COL27A1: variants seen among roughly 807,000 people sequenced by gnomAD.
COL27A1 encodes the protein collagen type XXVII alpha 1 chain, also known as collagen alpha-1(XXVII) chain.
A neutral mutation model predicts 251.3 loss-of-function variants in COL27A1; 106 were observed. The observed-to-expected ratio is 0.42, with a 90% CI of 0.36 to 0.50. The LOEUF (loss-of-function observed/expected upper bound fraction) is 0.50. Among genes scored for constraint, COL27A1 ranks in the 20% least tolerant of loss-of-function variants. COL27A1 has a pLI of 0.00. For synonymous variants in COL27A1, 1,000 were observed against 986.3 expected, an observed-to-expected ratio of 1.01 and a Z score of -0.26; for missense variants, 2,325 against 2,522.8, an observed-to-expected ratio of 0.92 and a Z score of 1.68.
At chr9:114,265,155 TGGGGGTG>T in intron 31 of COL27A1, 45 bp downstream of exon 31, 16 of 537,290 alleles carry the variant, frequency 3.0e-5, no homozygotes, top group Non-Finnish European at 5.3e-5. Flanking sequence ...GGGCTTTTGA[TGGGGGTG>T]GGGGGCGGGT....
intron 58 of COL27A1, chr9:114,307,413 AATGGAT>A (rs1212949462): frequency 4.9e-5 from 22 of 452,012 alleles, no homozygotes; most frequent in Non-Finnish European, 7.6e-5. Context: ...TTCTCTGTAA[AATGGAT>A]ACATCCCAGT....
chr9:114,158,511 T>G (rs767455843), intron 1 of COL27A1, among the ~76,000 whole-genome samples: 2 of 152,214 alleles, frequency 1.3e-5, no homozygotes, highest in African/African-American at 2.4e-5. Context: ...GGCTCCCGTT[T>G]CGGCTGCCTC....
chr9:114,206,122 C>G (rs541480544), intron 9 of COL27A1, 130 bp from the exon 10 acceptor site: 1 of 901,830 alleles, frequency 1.1e-6, no homozygotes, highest in Non-Finnish European at 1.8e-6. Context: ...GGCCAAAGAT[C>G]GCTGATCTAA....
chr9:114,159,903 T>G (rs1848374167), intron 1 of COL27A1, among the ~76,000 whole-genome samples: 1 of 152,202 alleles, frequency 6.6e-6, no homozygotes, highest in South Asian at 2.1e-4. Flanking sequence ...GCCATTTGCT[T>G]CAAGTAAGCA....
At chr9:114,224,003 G>A (rs569742366) in intron 14 of COL27A1, among the ~76,000 whole-genome samples, 1 of 152,314 alleles carries the variant, frequency 6.6e-6, no homozygotes, top group South Asian at 2.1e-4. Context: ...AACTTGGTGG[G>A]AGAGAGTGCT....
intron 12 of COL27A1, among the ~76,000 whole-genome samples, chr9:114,217,138 C>G (rs1830764386): frequency 6.6e-6 from 1 of 152,208 alleles, no homozygotes. Context: ...ATTGTTTCAT[C>G]CCACCATCAT....
chr9:114,245,933 A>G, intron 24 of COL27A1, 23 bp downstream of exon 24: 1 of 1,609,224 alleles, frequency 6.2e-7, no homozygotes, highest in African/African-American at 1.3e-5. Flanking sequence ...CGGTCTCTGA[A>G]TGAGTGGCTC....
Position 114,168,886 on chromosome 9 carries a change from C to G in COL27A1, c.1331C>G (p.Pro444Arg), listed in dbSNP as rs765484972. ...CCACCGCCCAGCACCCGGCCCCTACCTCCTACCACCAGCTCCTCTAAAAAA... is the reference window on the plus strand; with the variant it reads ...CCACCGCCCAGCACCCGGCCCCTACGTCCTACCACCAGCTCCTCTAAAAAA... ...RPPPPSTRPL[P>R]PTTSSSKKPI... Residue 444 changes from proline to arginine, a missense_variant, in exon 3 of 61, where the codon CCT (proline) becomes CGT (arginine). By Grantham distance (103) the Pro-to-Arg change is moderately radical (BLOSUM62 -2). Coordinates refer to ENST00000356083, the MANE Select transcript of COL27A1 (RefSeq NM_032888.4). The G allele has an allele frequency of 6.2e-7, 1 of 1,614,068 alleles. No homozygotes were observed. The highest frequency in any genetic ancestry group is 1.1e-5 in the South Asian group (1 of 91,074).
chr9:114,260,760 TCAGA>T (rs1834261182), intron 28 of COL27A1, among the ~76,000 whole-genome samples: 1 of 151,928 alleles, frequency 6.6e-6, no homozygotes, highest in African/African-American at 2.4e-5. Flanking sequence ...GACTCTGGGG[TCAGA>T]TGGGCCTACG....
chr9:114,302,134 C>G (rs1006766543), intron 56 of COL27A1, 26 bp downstream of exon 56: 29 of 1,602,036 alleles, frequency 1.8e-5, no homozygotes, highest in African/African-American at 9.4e-5. Flanking sequence ...TCTCTTTTGC[C>G]TACTTGGGGT....
intron 7 of COL27A1, among the ~76,000 whole-genome samples, chr9:114,203,825 G>A (rs191825149): frequency 2.4e-4 from 36 of 152,232 alleles, no homozygotes; most frequent in African/African-American, 6.0e-4. Flanking sequence ...GATTTCCAGC[G>A]TGTTCCCAGA....
In COL27A1 at chr9:114,169,113, G is replaced by A; in HGVS notation, c.1558G>A (p.Ala520Thr). ...TTCGGGCACCAGCACTCCCAGAACA[G>A]CACCTGCCGTCCCCACTCCTGGCTC... is the stretch of plus-strand genomic sequence containing the variant. The part of the protein sequence containing the change: ...PTSGTSTPRT[A>T]PAVPTPGSAP... Residue 520 changes from alanine to threonine, a missense_variant, in exon 3 of 61, where the codon GCA becomes ACA. Ala to Thr is a moderately conservative substitution (Grantham distance 58, BLOSUM62 0). Around this residue, in one of 4 missense-constraint regions of COL27A1, gnomAD observed 1,183 missense variants for 1,144.1 expected, o/e 1.03. Coordinates refer to ENST00000356083, the MANE Select transcript of COL27A1 (RefSeq NM_032888.4). 1 of 1,614,076 alleles carries A rather than the reference G, an allele frequency of 6.2e-7. No individual in the cohort carries two copies. The highest frequency in any genetic ancestry group is 8.5e-7 in the Non-Finnish European group (1 of 1,180,014).
intron 28 of COL27A1, 98 bp from the exon 29 acceptor site, chr9:114,264,257 G>A (rs955642371): frequency 1.1e-6 from 1 of 924,730 alleles, no homozygotes; most frequent in Non-Finnish European, 1.6e-6. Context: ...AGCTTGTGCA[G>A]GGGAAGGCCC....
intron 56 of COL27A1, 108 bp from the exon 57 acceptor site, chr9:114,304,500 A>G: frequency 1.0e-6 from 1 of 969,502 alleles, no homozygotes; most frequent in East Asian, 2.4e-5. Context: ...CAGAGGGCAT[A>G]TGACTTGGCC....
intron 2 of COL27A1, among the ~76,000 whole-genome samples, chr9:114,166,249 ATCCATCTG>A (rs979894896): frequency 1.2e-4 from 18 of 146,716 alleles, no homozygotes; most frequent in Non-Finnish European, 2.7e-4. Flanking sequence ...TTATCCATCC[ATCCATCTG>A]TCCATCCATC....
At chr9:114,157,507 C>T (rs1336760851) in intron 1 of COL27A1, among the ~76,000 whole-genome samples, 1 of 152,264 alleles carries the variant, frequency 6.6e-6, no homozygotes, top group African/African-American at 2.4e-5. Context: ...TGTGCCTCCA[C>T]CAGCGCTGCG....
chr9:114,193,641 TG>T (rs1380785178), intron 5 of COL27A1, among the ~76,000 whole-genome samples: 5 of 152,094 alleles, frequency 3.3e-5, no homozygotes, highest in African/African-American at 1.2e-4. Flanking sequence ...ATGCTTCCTT[TG>T]CCTCACTAGA....
At position 114,169,060 on chromosome 9, in the gene COL27A1, G is replaced by A. The variant is rs151285311; in HGVS notation, c.1505G>A (p.Arg502Gln). The change falls in exon 3 of 61, where the codon CGG becomes CAG. Residue 502 changes from arginine to glutamine, a missense_variant. Coordinates refer to ENST00000356083, the MANE Select transcript of COL27A1 (RefSeq NM_032888.4). ...APTPGSTRST[R>Q]PPATMVPPTS... ...ACTCCTGGTTCTACCAGGAGTACTC[G>A]GCCACCAGCCACGATGGTACCTCCA... The A allele has an allele frequency of 1.4e-5, 23 of 1,613,678 alleles. No individual in the cohort carries two copies. The highest frequency in any genetic ancestry group is 6.7e-5 in the East Asian group (3 of 44,876).
rs151142419 is a variant in COL27A1 at position 114,163,881 on chromosome 9, G to T, written c.133+1096G>T. 1.5e-3 allele frequency among the ~76,000 whole-genome samples: 224 copies of T among 152,292 alleles called. 2 individuals are homozygous for T. Among genetic ancestry groups the T allele is most frequent in the African/African-American group, 5.1e-3 (210 of 41,568 alleles). On this transcript the variant is annotated intron_variant, in intron 2 of 60. Coordinates refer to ENST00000356083, the MANE Select transcript of COL27A1 (RefSeq NM_032888.4). ...GCGGGGGGCGGGGGGAGAGGCTGGAGCTGTGTGGAGCCAGGTTTATGTAAT... is the reference window on the plus strand; with the variant it reads ...GCGGGGGGCGGGGGGAGAGGCTGGATCTGTGTGGAGCCAGGTTTATGTAAT...
Sources: allele counts gnomAD v4.1 joint callset (sites outside exome capture counted in the v4.1 genomes callset), GRCh38; gene constraint gnomAD v4.1.1; regional missense constraint gnomAD v4.1.1; transcripts MANE v1.5; gene names NCBI Gene and HGNC (gene_info 2026-07-23, HGNC 2026-07-21).